Variants in NEBL observed in about 807,000 individuals in gnomAD.
NEBL encodes the protein LIM and SH3 protein 2.
Under a neutral mutation model 140.2 loss-of-function variants are expected in NEBL, and 122 were observed. That is an observed-to-expected ratio of 0.87 (90% CI 0.75 to 1.01). NEBL has a LOEUF of 1.01. Ranked by LOEUF, NEBL falls within the 50% of genes least tolerant of loss-of-function variation. NEBL has a pLI of 0.00. For synonymous variants in NEBL, 436 were observed against 398.9 expected, an observed-to-expected ratio of 1.09 and a Z score of -1.11; for missense variants, 1,365 against 1,231.3, an observed-to-expected ratio of 1.11 and a Z score of -1.62.
chr10:20,935,079 T>C (rs1198038552), intron 4 of NEBL, among the ~76,000 whole-genome samples: 1 of 152,136 alleles, frequency 6.6e-6, no homozygotes, highest in African/African-American at 2.4e-5. Context: ...GGGTTAAAAA[T>C]ATGACTGGCC....
chr10:21,120,558 C>G (rs1272861983), intron 2 of NEBL, among the ~76,000 whole-genome samples: 1 of 149,578 alleles, frequency 6.7e-6, no homozygotes, highest in Non-Finnish European at 1.5e-5. Context: ...TTAGCACCTG[C>G]TGGCCATTCT....
At chr10:20,959,071 C>T (rs894670048) in intron 4 of NEBL, among the ~76,000 whole-genome samples, 8 of 152,146 alleles carry the variant, frequency 5.3e-5, no homozygotes, top group African/African-American at 1.9e-4. Flanking sequence ...AAATTCACTG[C>T]TTTATGTCTT....
At chr10:20,811,986 G>T (rs1322380771) in intron 24 of NEBL, among the ~76,000 whole-genome samples, 1 of 152,106 alleles carries the variant, frequency 6.6e-6, no homozygotes, top group Non-Finnish European at 1.5e-5. Context: ...CTGACTATAA[G>T]GAACAGATAG....
At chr10:20,910,942 A>G (rs1848305907) in intron 4 of NEBL, among the ~76,000 whole-genome samples, 1 of 150,334 alleles carries the variant, frequency 6.7e-6, no homozygotes, top group Non-Finnish European at 1.5e-5. Flanking sequence ...TCAGGGTGGG[A>G]GGATGGCTTG....
At chr10:21,225,347 A>G (rs1842130217) in intron 3 of NEBL, among the ~76,000 whole-genome samples, 1 of 152,110 alleles carries the variant, frequency 6.6e-6, no homozygotes. Context: ...AGCCAGCACG[A>G]CACAGGGTTT....
intron 2 of NEBL, among the ~76,000 whole-genome samples, chr10:21,162,686 G>A (rs1393728735): frequency 6.6e-6 from 1 of 152,174 alleles, no homozygotes; most frequent in African/African-American, 2.4e-5. Context: ...CAACTCAAAT[G>A]GGAAGACAAA....
intron 4 of NEBL, among the ~76,000 whole-genome samples, chr10:20,905,183 G>T (rs45586536): frequency 6.6e-6 from 1 of 152,100 alleles, no homozygotes; most frequent in African/African-American, 2.4e-5. Context: ...TAGATGATTT[G>T]GCACTTTTTG....
chr10:21,092,149 C>T (rs1836944592), intron 2 of NEBL, among the ~76,000 whole-genome samples: 2 of 152,196 alleles, frequency 1.3e-5, no homozygotes, highest in African/African-American at 2.4e-5. Flanking sequence ...TTAAGCAGAA[C>T]TGGTCGTTAT....
At chr10:20,906,678 A>G (rs938918467) in intron 4 of NEBL, among the ~76,000 whole-genome samples, 3 of 151,942 alleles carry the variant, frequency 2.0e-5, no homozygotes, top group African/African-American at 7.2e-5. Context: ...TGTTCATTCA[A>G]TCATTCACTC....
intron 3 of NEBL, among the ~76,000 whole-genome samples, chr10:20,993,331 G>A (rs1009126827): frequency 2.0e-5 from 3 of 152,144 alleles, no homozygotes; most frequent in African/African-American, 4.8e-5. Context: ...GGTAAGGTGA[G>A]AACAAGGATC....
chr10:21,015,868 A>T lies in NEBL; in HGVS notation c.249+4249T>A, dbSNP rs554520796. Among the ~76,000 whole-genome samples, 15 of 152,246 alleles carry T rather than the reference A, an allele frequency of 9.9e-5. No individual in the cohort carries two copies. The South Asian group carries it at 3.1e-3, about 32-fold the overall frequency. On this transcript the variant is annotated intron_variant, in intron 3 of 6. Coordinates refer to the NEBL transcript ENST00000417816. ...TCGCCTGGATGTTTTAAGTTTAGGG[A>T]TCACCTAATTTACAAAGAGTTTGTG...
intron 4 of NEBL, among the ~76,000 whole-genome samples, chr10:20,950,635 G>A (rs943163794): frequency 2.0e-5 from 3 of 152,114 alleles, no homozygotes; most frequent in East Asian, 1.9e-4. Flanking sequence ...AGGTGTATAC[G>A]TGTCAGGTAA....
intron 3 of NEBL, among the ~76,000 whole-genome samples, chr10:20,968,948 A>AT (rs1836448618): frequency 6.6e-6 from 1 of 152,198 alleles, no homozygotes. Flanking sequence ...CTTTCCACAG[A>AT]TTTTAAGGTA....
intron 2 of NEBL, among the ~76,000 whole-genome samples, chr10:21,093,150 C>CTTTTTTTTTTTTTTTTTTT (rs4025884): frequency 1.8e-4 from 17 of 95,034 alleles, no homozygotes; most frequent in Admixed American, 2.4e-4. Context: ...AGCAACAAGT[C>CTTTTTTTTTTTTTTTTTTT]TTTTTTTTTT....
At chr10:20,802,375 A>G (rs1283038644) in intron 26 of NEBL, among the ~76,000 whole-genome samples, 3 of 152,246 alleles carry the variant, frequency 2.0e-5, no homozygotes, top group African/African-American at 7.2e-5. Context: ...CAGTAAAGAT[A>G]ATTTCAAGTA....
chr10:20,984,046 C>T (rs1837155880), intron 3 of NEBL, among the ~76,000 whole-genome samples: 1 of 151,076 alleles, frequency 6.6e-6, no homozygotes, highest in Admixed American at 6.6e-5. Flanking sequence ...TTAATCAAAA[C>T]CTACAAGGGA....
In NEBL at chr10:20,843,380, T is replaced by G. The variant is rs191397650; in HGVS notation, c.1227+1878A>C. On this transcript the variant is annotated intron_variant, in intron 12 of 27. Transcript: ENST00000377122. ...AACAGACCAATACAATACAGTGTTC[T>G]GAGCCCTTTCCTACCCTGATGCATG... Among the ~76,000 whole-genome samples, 5 of 152,158 alleles carry G rather than the reference T, an allele frequency of 3.3e-5. No homozygotes were observed. In the East Asian group the frequency reaches 9.6e-4, roughly 29 times the overall value.
intron 2 of NEBL, among the ~76,000 whole-genome samples, chr10:21,037,557 A>C (rs892998494): frequency 6.6e-5 from 10 of 152,208 alleles, no homozygotes; most frequent in African/African-American, 2.4e-4. Context: ...CAGGTTCACC[A>C]CAAAGGGGCC....
chr10:21,169,065 AAAATATATATATATATATATATATAT>A lies in NEBL; in HGVS notation c.164+3292_164+3317del, dbSNP rs1229716024. Among the ~76,000 whole-genome samples, 14 of 28,566 alleles carry A rather than the reference AAAATATATATATATATATATATATAT, an allele frequency of 4.9e-4. No homozygotes were observed. In the Admixed American group the frequency reaches 5.2e-3, roughly 11 times the overall value. 18.7% of individuals were successfully genotyped at this position (28,566 alleles called of 152,430 possible). ...CTCCGTCTACAAAAAAAAAAAAAAA[AAAATATATATATATATATATATATAT>A]ATATATATATATATATTTGGACATA... is the stretch of plus-strand genomic sequence containing the variant. On this transcript the variant is annotated intron_variant, in intron 2 of 6. Transcript: ENST00000417816.
Sources: allele counts gnomAD v4.1 joint callset (sites outside exome capture counted in the v4.1 genomes callset), GRCh38; gene constraint gnomAD v4.1.1; transcripts MANE v1.5; gene names NCBI Gene and HGNC (gene_info 2026-07-23, HGNC 2026-07-21).